Variants in TMPRSS11B observed in about 807,000 individuals in gnomAD.
The protein encoded by TMPRSS11B is transmembrane protease serine 11B.
In TMPRSS11B, 53 loss-of-function variants were observed where a neutral mutation model predicts 44.7. That is an observed-to-expected ratio of 1.19 (90% confidence interval 0.95 to 1.49). The LOEUF is 1.49. TMPRSS11B is among the 40% of genes most tolerant of loss of function. The pLI is 0.00. For synonymous variants in TMPRSS11B, 140 were observed against 159.2 expected (o/e 0.88, Z 0.91); for missense variants, 526 against 494.8 (o/e 1.06, Z -0.60).
rs1248530648 is a variant in TMPRSS11B, at chr4:68,228,664, CA to C, written c.1089+77del. 4.6e-5 allele frequency: 68 copies of C among 1,479,176 alleles called. No homozygotes were observed. In the Middle Eastern group the frequency reaches 5.4e-4, roughly 12 times the overall value. The allele number at this position is 1,479,176 out of a possible 1,614,324, so 91.6% of individuals were successfully genotyped here. ...AGCTACTATGTCAGTATTATTAACA[CA>C]AAAAAAATTTTATGTGGATAAAAAC... On this transcript the variant is annotated intron_variant, in intron 9 of 9. Coordinates refer to ENST00000332644, the MANE Select transcript of TMPRSS11B (RefSeq NM_182502.3).
Position 68,242,334 on chromosome 4 carries a change from T to TA in TMPRSS11B, c.9-531_9-530insT, listed in dbSNP as rs1719873107. Among the ~76,000 whole-genome samples the TA allele has an allele frequency of 6.4e-4, 9 of 14,036 alleles. No individual in the cohort carries two copies. The South Asian group carries it at 0.017, about 26-fold the overall frequency. The allele number at this position is 14,036 out of a possible 152,430, so 9.2% of individuals were successfully genotyped here. The stretch of plus-strand genomic sequence containing the variant: ...ATAATATTATATATATAATATTATA[T>TA]TATATATATATTATATATAATATTA... On this transcript the variant is annotated intron_variant, in intron 1 of 9. Transcript: ENST00000332644.
chr4:68,244,000 T>C (rs1438539034), intron 1 of TMPRSS11B, among the ~76,000 whole-genome samples: 3 of 152,172 alleles, frequency 2.0e-5, no homozygotes, highest in Non-Finnish European at 4.4e-5. Context: ...ATTTTATATC[T>C]AAAAGAGTAC....
chr4:68,244,753 T>C (rs562448062), intron 1 of TMPRSS11B, among the ~76,000 whole-genome samples: 67 of 152,366 alleles, frequency 4.4e-4, no homozygotes, highest in Admixed American at 1.9e-3. Context: ...TTTTGGGCAC[T>C]GCTTTAGGAG....
chr4:68,235,481 T>C (rs753840759), intron 4 of TMPRSS11B, among the ~76,000 whole-genome samples: 2 of 152,084 alleles, frequency 1.3e-5, no homozygotes, highest in Non-Finnish European at 1.5e-5. Context: ...CCTCCCTGCA[T>C]CCCTCCCTAC....
rs146736772 is a variant in TMPRSS11B, at chr4:68,227,318, A to G, written c.*593T>C. On this transcript the variant is annotated 3_prime_UTR_variant, in exon 10 of 10. Transcript: ENST00000332644. The stretch of plus-strand genomic sequence containing the variant: ...TCTTTTGATTCTGGAAAACAAATTA[A>G]GGTCAATTCTGAATATAATGGTAAA... The G allele has an allele frequency of 6.6e-6, 1 of 152,080 alleles. No individual in the cohort carries two copies. The highest frequency in any genetic ancestry group is 1.9e-4 in the East Asian group (1 of 5,186). 9.4% of individuals were successfully genotyped at this position (152,080 alleles called of 1,614,324 possible).
Position 68,228,013 on chromosome 4 carries a change from T to C in TMPRSS11B, c.1149A>G (p.Gly383=). ...PDSRNIWHLV[G]IVSWGDGCGK... Reference sequence around the variant, plus strand: ...CACATCCATCACCCCAGCTTACTATTCCAACAAGATGCCAGATATTTCTGG... The same window carrying C: ...CACATCCATCACCCCAGCTTACTATCCCAACAAGATGCCAGATATTTCTGG... The change falls in exon 10 of 10, where the codon GGA becomes GGG. Residue 383 remains glycine, a synonymous_variant. Coordinates refer to ENST00000332644, the MANE Select transcript of TMPRSS11B (RefSeq NM_182502.3). The C allele has an allele frequency of 6.2e-7, 1 of 1,613,906 alleles. No individual in the cohort carries two copies. The highest frequency in any genetic ancestry group is 8.5e-7 in the Non-Finnish European group (1 of 1,179,944).
intron 1 of TMPRSS11B, among the ~76,000 whole-genome samples, chr4:68,242,357 T>TTATATTATATA (rs1719880710): frequency 3.3e-5 from 2 of 61,092 alleles, no homozygotes; most frequent in Admixed American, 2.7e-4. Context: ...ATATATAATA[T>TTATATTATATA]TATATTATAT....
chr4:68,237,833 T>C (rs1487622661), intron 2 of TMPRSS11B, among the ~76,000 whole-genome samples: 2 of 152,082 alleles, frequency 1.3e-5, no homozygotes, highest in Admixed American at 6.6e-5. Flanking sequence ...CTGGACAGCA[T>C]AGTGAGAGCC....
At chr4:68,240,919 AC>A (rs1719804674) in intron 2 of TMPRSS11B, among the ~76,000 whole-genome samples, 1 of 152,182 alleles carries the variant, frequency 6.6e-6, no homozygotes, top group African/African-American at 2.4e-5. Context: ...GTATAATTAA[AC>A]TATTAAGTAT....
chr4:68,227,825 CA>C lies in TMPRSS11B; in HGVS notation c.*85del. 1.0e-6 allele frequency: 1 copy of C among 997,718 alleles called. No homozygotes were observed. Among genetic ancestry groups the C allele is most frequent in the Non-Finnish European group, 1.3e-6 (1 of 741,846 alleles). 61.8% of individuals were successfully genotyped at this position (997,718 alleles called of 1,614,324 possible). A position where few individuals can be genotyped will look rare whatever the true frequency, so the allele number is the denominator to read the frequency against. On this transcript the variant is annotated 3_prime_UTR_variant, in exon 10 of 10. Coordinates refer to ENST00000332644, the MANE Select transcript of TMPRSS11B (RefSeq NM_182502.3). Reference sequence around the variant, plus strand: ...ATATATAATAAAATGATTAGTTTACCAACAATCAAAATAAAAAGATCCCAAA... The same window carrying C: ...ATATATAATAAAATGATTAGTTTACCACAATCAAAATAAAAAGATCCCAAA...
chr4:68,242,244 TTA>T (rs1719855018), intron 1 of TMPRSS11B, among the ~76,000 whole-genome samples: 2 of 81,516 alleles, frequency 2.5e-5, no homozygotes, highest in African/African-American at 1.2e-4. Context: ...ATATATTATA[TTA>T]TATATATTAT....
In TMPRSS11B at chr4:68,227,750, G is replaced by T; in HGVS notation, c.*161C>A. ...TAATTTAAAAGATTAATAAATGCAT[G>T]GACAGTGTTTTAGATATAATAAAAT... On this transcript the variant is annotated 3_prime_UTR_variant, in exon 10 of 10. Coordinates refer to ENST00000332644, the MANE Select transcript of TMPRSS11B (RefSeq NM_182502.3). 1 of 353,966 alleles carries T rather than the reference G, an allele frequency of 2.8e-6. No homozygotes were observed. The highest frequency in any genetic ancestry group is 4.4e-6 in the Non-Finnish European group (1 of 228,252). The allele number at this position is 353,966 out of a possible 1,614,324, so 21.9% of individuals were successfully genotyped here.
intron 1 of TMPRSS11B, among the ~76,000 whole-genome samples, chr4:68,242,261 T>TATATA (rs1324984609): frequency 1.8e-5 from 1 of 56,846 alleles, no homozygotes. Context: ...TATTATAATA[T>TATATA]ATATAATATA....
chr4:68,229,653 A>G (rs528348846), intron 7 of TMPRSS11B, 137 bp from the exon 8 acceptor site: 19 of 724,046 alleles, frequency 2.6e-5, no homozygotes, highest in Non-Finnish European at 3.9e-5. Flanking sequence ...TTTGAAAACT[A>G]TCTTTGACAT....
chr4:68,243,270 T>A (rs1034424610), intron 1 of TMPRSS11B, among the ~76,000 whole-genome samples: 1 of 152,180 alleles, frequency 6.6e-6, no homozygotes, highest in Admixed American at 6.5e-5. Flanking sequence ...ATTACATATT[T>A]CCTATGAGTA....
At chr4:68,235,832 T>C (rs1384601633) in intron 4 of TMPRSS11B, among the ~76,000 whole-genome samples, 170 bp downstream of exon 4, 2 of 152,126 alleles carry the variant, frequency 1.3e-5, no homozygotes, top group Non-Finnish European at 2.9e-5. Context: ...ACTTGATCTT[T>C]CTTTTTCTTT....
chr4:68,242,212 ATATAATATT>A (rs1560445309), intron 1 of TMPRSS11B, among the ~76,000 whole-genome samples: 41 of 26,306 alleles, frequency 1.6e-3, no homozygotes, highest in East Asian at 0.022. Flanking sequence ...AATATAATAT[ATATAATATT>A]ATATTATATT....
At chr4:68,237,296 C>T (rs1719698811) in intron 2 of TMPRSS11B, among the ~76,000 whole-genome samples, 1 of 152,106 alleles carries the variant, frequency 6.6e-6, no homozygotes, top group Admixed American at 6.6e-5. Flanking sequence ...GAATAGTACT[C>T]CATGGTGTAT....
chr4:68,238,599 C>A (rs893555061), intron 2 of TMPRSS11B, among the ~76,000 whole-genome samples: 2 of 151,042 alleles, frequency 1.3e-5, no homozygotes, highest in African/African-American at 2.4e-5. Flanking sequence ...TGTTGGCGAA[C>A]GCTGGTAGTC....
Sources: allele counts gnomAD v4.1 joint callset (sites outside exome capture counted in the v4.1 genomes callset), GRCh38; gene constraint gnomAD v4.1.1; transcripts MANE v1.5; gene names NCBI Gene and HGNC (gene_info 2026-07-23, HGNC 2026-07-21).